The following SLC6A11 variants were observed in gnomAD, a reference collection of about 807,000 sequenced individuals.
The protein encoded by SLC6A11 is solute carrier family 6 member 11.
In SLC6A11, 25 loss-of-function variants were observed where a neutral mutation model predicts 74.8. That is an observed-to-expected ratio of 0.33 (90% CI 0.24 to 0.47). The LOEUF is 0.47. SLC6A11 is among the 20% of genes least tolerant of loss of function. The pLI, the probability that SLC6A11 is intolerant of heterozygous loss-of-function variation, is 1.00. For synonymous variants in SLC6A11, 330 were observed against 330.2 expected (o/e 1.00, Z 0.01); for missense variants, 574 against 837.0 (o/e 0.69, Z 3.88).
chr3:10,900,205 A>G (rs185398260), intron 6 of SLC6A11, among the ~76,000 whole-genome samples: 16 of 152,322 alleles, frequency 1.1e-4, no homozygotes, highest in African/African-American at 2.2e-4. Flanking sequence ...GTAAGCTGCA[A>G]TCGGAGCCAG....
At chr3:10,899,405 T>G (rs1285229871) in intron 6 of SLC6A11, among the ~76,000 whole-genome samples, 1 of 152,216 alleles carries the variant, frequency 6.6e-6, no homozygotes, top group East Asian at 1.9e-4. Context: ...CTGTTTCATA[T>G]GGAATTGAGT....
chr3:10,859,549 G>T (rs1474457690), intron 5 of SLC6A11, among the ~76,000 whole-genome samples: 1 of 152,206 alleles, frequency 6.6e-6, no homozygotes, highest in Non-Finnish European at 1.5e-5. Flanking sequence ...GATGTGTGCA[G>T]TGGAATCGTT....
Position 10,938,602 on chromosome 3 carries a change from C to T in SLC6A11, c.*200C>T. The T allele has an allele frequency of 4.1e-6, 2 of 489,340 alleles. No individual in the cohort carries two copies. The highest frequency in any genetic ancestry group is 6.1e-5 in the East Asian group (2 of 32,950). 30.3% of individuals were successfully genotyped at this position (489,340 alleles called of 1,614,324 possible). On this transcript the variant is annotated 3_prime_UTR_variant, in exon 14 of 14. Transcript: ENST00000254488. Reference sequence around the variant, plus strand: ...CGCCCCCAGTCATCATGGAAGTAACCACTACAAAGAGATAACACTGTACGG... The same window carrying T: ...CGCCCCCAGTCATCATGGAAGTAACTACTACAAAGAGATAACACTGTACGG...
At chr3:10,841,375 C>T (rs746369460) in intron 4 of SLC6A11, among the ~76,000 whole-genome samples, 2 of 152,216 alleles carry the variant, frequency 1.3e-5, no homozygotes, top group Non-Finnish European at 2.9e-5. Context: ...CCCATCCTCT[C>T]AAAGGCTGCC....
chr3:10,830,167 C>A (rs1694276220), intron 4 of SLC6A11, among the ~76,000 whole-genome samples: 1 of 152,094 alleles, frequency 6.6e-6, no homozygotes, highest in Non-Finnish European at 1.5e-5. Context: ...TTGGGGAAGG[C>A]TACATGGAGT....
intron 6 of SLC6A11, among the ~76,000 whole-genome samples, chr3:10,900,564 C>T (rs1239935119): frequency 4.6e-5 from 7 of 152,200 alleles, no homozygotes; most frequent in East Asian, 3.9e-4. Context: ...CCGTTCTCCT[C>T]CCAAGGATGT....
chr3:10,890,729 T>C (rs1191144837), intron 6 of SLC6A11, among the ~76,000 whole-genome samples: 1 of 152,258 alleles, frequency 6.6e-6, no homozygotes, highest in Non-Finnish European at 1.5e-5. Context: ...TTTTCATTCC[T>C]TTCTACAGGA....
In SLC6A11 at chr3:10,908,848, G is replaced by A. The variant is rs182754081; in HGVS notation, c.892-3242G>A. On this transcript the variant is annotated intron_variant, in intron 6 of 13. Transcript: ENST00000254488. ...TCATACCCTCTGGGTTTTTCTAAGA[G>A]CTAAATGTTGCTATTAGCTTGAGTT... Among the ~76,000 whole-genome samples the A allele has an allele frequency of 5.5e-4, 83 of 151,978 alleles. No homozygotes were observed. In the East Asian group the frequency reaches 0.013, roughly 23 times the overall value.
chr3:10,850,513 A>T (rs1694559758), intron 5 of SLC6A11, among the ~76,000 whole-genome samples: 1 of 151,860 alleles, frequency 6.6e-6, no homozygotes, highest in Admixed American at 6.6e-5. Context: ...GAGGGAGCAC[A>T]GGGCTGGGAG....
intron 6 of SLC6A11, among the ~76,000 whole-genome samples, chr3:10,878,270 C>T (rs540541651): frequency 2.0e-5 from 3 of 152,288 alleles, no homozygotes; most frequent in Admixed American, 6.5e-5. Context: ...GTATTGACCT[C>T]CTCTCTGGGC....
At chr3:10,885,312 C>A (rs561400037) in intron 6 of SLC6A11, among the ~76,000 whole-genome samples, 1 of 152,228 alleles carries the variant, frequency 6.6e-6, no homozygotes, top group African/African-American at 2.4e-5. Context: ...GAAATCTGGA[C>A]TGTTCCCAAG....
At chr3:10,861,891 G>A (rs1694707037) in intron 5 of SLC6A11, among the ~76,000 whole-genome samples, 1 of 152,210 alleles carries the variant, frequency 6.6e-6, no homozygotes, top group Admixed American at 6.5e-5. Flanking sequence ...GGATCCCTGA[G>A]GAAGAGCCCA....
At chr3:10,818,369 C>T (rs972635611) in intron 1 of SLC6A11, among the ~76,000 whole-genome samples, 7 of 152,158 alleles carry the variant, frequency 4.6e-5, no homozygotes, top group African/African-American at 1.7e-4. Context: ...TCTCCTTTTC[C>T]ACACTTTTTG....
chr3:10,914,877 C>T (rs1695435520), intron 7 of SLC6A11, among the ~76,000 whole-genome samples: 1 of 152,132 alleles, frequency 6.6e-6, no homozygotes, highest in Non-Finnish European at 1.5e-5. Flanking sequence ...AGCATGGGGA[C>T]CTCTGTGCTG....
chr3:10,914,391 C>T (rs1008371224), intron 7 of SLC6A11, among the ~76,000 whole-genome samples: 37 of 152,160 alleles, frequency 2.4e-4, no homozygotes, highest in African/African-American at 8.7e-4. Context: ...AAGTGCGAGG[C>T]CCTGGAATCG....
At chr3:10,832,904 G>C (rs922361340) in intron 4 of SLC6A11, among the ~76,000 whole-genome samples, 3 of 152,160 alleles carry the variant, frequency 2.0e-5, no homozygotes, top group African/African-American at 7.2e-5. Context: ...CACACAACAG[G>C]ATTTGGGTTT....
rs1240906707 is a variant in SLC6A11 at position 10,935,043 on chromosome 3, C to T, written c.1590C>T (p.Phe530=). The T allele has an allele frequency of 1.2e-6, 2 of 1,614,020 alleles. No individual in the cohort carries two copies. The highest frequency in any genetic ancestry group is 1.7e-6 in the Non-Finnish European group (2 of 1,179,934). ...TCTCTCTGCAGGGGATCTTCATCTTCTTCTTGATCAAGTACAAGCCACTCA... is the reference window on the plus strand; with the variant it reads ...TCTCTCTGCAGGGGATCTTCATCTTTTTCTTGATCAAGTACAAGCCACTCA... ...TPGICAGIFI[F]FLIKYKPLKY... The change falls in exon 13 of 14, where the codon TTC becomes TTT. Residue 530 remains phenylalanine, a synonymous_variant. Coordinates refer to ENST00000254488, the MANE Select transcript of SLC6A11 (RefSeq NM_014229.3).
rs1006912286 is a variant in SLC6A11, at chr3:10,918,927, C to G, written c.1120+474C>G. Among the ~76,000 whole-genome samples the G allele has an allele frequency of 6.6e-6, 1 of 152,062 alleles. No homozygotes were observed. The highest frequency in any genetic ancestry group is 1.5e-5 in the Non-Finnish European group (1 of 68,008). ...TGCTGGACTCAGCGTGGCCACAAAG[C>G]CCTGTGTTGCCCGGCTCCTGTGGCC... On this transcript the variant is annotated intron_variant, in intron 8 of 13. Coordinates refer to ENST00000254488, the MANE Select transcript of SLC6A11 (RefSeq NM_014229.3). This position sits in a 1 kb window ranked among gnomAD's most constrained non-coding sequence, Gnocchi z 4.5.
rs1277001026 is a variant in SLC6A11 at position 10,816,369 on chromosome 3, C to T, written c.104C>T (p.Pro35Leu). ...GGGCSSGGAA[P>L]ARHPRVKRDK... Reference sequence around the variant, plus strand: ...GGCTGCAGCAGCGGGGGCGCGGCGCCCGCGCGCCACCCGCGCGTCAAGCGC... The same window carrying T: ...GGCTGCAGCAGCGGGGGCGCGGCGCTCGCGCGCCACCCGCGCGTCAAGCGC... The change falls in exon 1 of 14, where the codon CCC becomes CTC. Residue 35 changes from proline to leucine, a missense_variant. By Grantham distance (98) the Pro-to-Leu change is moderately conservative. This residue lies in a region of SLC6A11 where 86 missense variants were observed against 87.4 expected (regional missense o/e 0.98). Coordinates refer to ENST00000254488, the MANE Select transcript of SLC6A11 (RefSeq NM_014229.3). This position sits in a 1 kb window ranked among gnomAD's most constrained non-coding sequence, Gnocchi z 4.2. 2.0e-6 allele frequency: 3 copies of T among 1,475,092 alleles called. No individual in the cohort carries two copies. Among genetic ancestry groups the T allele is most frequent in the South Asian group, 1.4e-5 (1 of 73,894 alleles). The allele number at this position is 1,475,092 out of a possible 1,614,324, so 91.4% of individuals were successfully genotyped here. A position where few individuals can be genotyped will look rare whatever the true frequency, so the allele number is the denominator to read the frequency against.
Sources: gnomAD v4.1 joint callset for allele counts (sites outside exome capture counted in the v4.1 genomes callset) on GRCh38, gnomAD v4.1.1 for gene constraint, gnomAD v4.1.1 regional missense constraint, Gnocchi (gnomAD v3.1) non-coding constraint, MANE v1.5 for transcripts, NCBI Gene and HGNC (gene_info 2026-07-23, HGNC 2026-07-21) for gene names.